TAOK3: variants seen among roughly 807,000 people sequenced by gnomAD.
The protein encoded by TAOK3 is serine/threonine-protein kinase TAO3.
Under a neutral mutation model 120.4 loss-of-function variants are expected in TAOK3, and 40 were observed. The observed-to-expected ratio is 0.33, with a 90% CI of 0.26 to 0.43. The LOEUF (loss-of-function observed/expected upper bound fraction) is 0.43. Ranked by LOEUF, TAOK3 falls within the 20% of genes least tolerant of loss-of-function variation. The pLI, the probability that TAOK3 is intolerant of heterozygous loss-of-function variation, is 1.00. For missense variants in TAOK3, 821 were observed against 1,112.1 expected, an observed-to-expected ratio of 0.74 and a Z score of 3.72; for synonymous variants, 355 against 387.5, an observed-to-expected ratio of 0.92 and a Z score of 0.99.
chr12:118,205,868 C>T (rs1342569726), intron 11 of TAOK3, among the ~76,000 whole-genome samples: 7 of 152,122 alleles, frequency 4.6e-5, no homozygotes, highest in Non-Finnish European at 8.8e-5. Flanking sequence ...ACCTCAGCCT[C>T]CCAAAGTGCT....
chr12:118,234,176 T>G (rs1482712942), intron 8 of TAOK3, among the ~76,000 whole-genome samples: 1 of 151,264 alleles, frequency 6.6e-6, no homozygotes, highest in Non-Finnish European at 1.5e-5. Context: ...ATAAAGTATT[T>G]TTCATATTGT....
chr12:118,170,693 G>C (rs966462093), intron 17 of TAOK3, among the ~76,000 whole-genome samples: 3 of 152,176 alleles, frequency 2.0e-5, no homozygotes, highest in African/African-American at 7.2e-5. Flanking sequence ...AACCTAGGAG[G>C]TGGAGGTTGC....
chr12:118,367,427 T>TA (rs1420063830), intron 1 of TAOK3, among the ~76,000 whole-genome samples: 1 of 151,840 alleles, frequency 6.6e-6, no homozygotes, highest in Admixed American at 6.6e-5. Context: ...TTTTTTTTTT[T>TA]AATTTGGTGC....
intron 9 of TAOK3, among the ~76,000 whole-genome samples, chr12:118,227,514 A>C (rs945617068): frequency 1.3e-5 from 2 of 152,066 alleles, no homozygotes; most frequent in Non-Finnish European, 2.9e-5. Flanking sequence ...AATCCTATAT[A>C]TGAATACAAT....
chr12:118,358,412 T>G (rs939007616), intron 1 of TAOK3, among the ~76,000 whole-genome samples: 1 of 152,196 alleles, frequency 6.6e-6, no homozygotes, highest in African/African-American at 2.4e-5. Context: ...TTCTATACTA[T>G]TTTCCCTTTC....
chr12:118,306,676 A>G (rs2043063627), intron 1 of TAOK3, among the ~76,000 whole-genome samples: 1 of 152,226 alleles, frequency 6.6e-6, no homozygotes, highest in Admixed American at 6.5e-5. Flanking sequence ...AAGAAATATT[A>G]TTGATACTTA....
intron 9 of TAOK3, among the ~76,000 whole-genome samples, chr12:118,229,113 TG>T (rs1289172106): frequency 8.1e-4 from 122 of 150,268 alleles, no homozygotes; most frequent in Non-Finnish European, 1.1e-3. Context: ...CTTTTTTTTT[TG>T]GGGGGGACAG....
intron 1 of TAOK3, among the ~76,000 whole-genome samples, chr12:118,274,263 T>C (rs943710759): frequency 2.0e-5 from 3 of 152,294 alleles, no homozygotes; most frequent in African/African-American, 7.2e-5. Context: ...AACTAGATGA[T>C]AGCTGCTTTT....
chr12:118,279,380 T>C (rs2042012776), intron 1 of TAOK3, among the ~76,000 whole-genome samples: 2 of 152,158 alleles, frequency 1.3e-5, no homozygotes, highest in Non-Finnish European at 2.9e-5. Context: ...AGGATGTTTA[T>C]TCTGTTGATA....
chr12:118,167,005 C>T (rs866794805), intron 17 of TAOK3, among the ~76,000 whole-genome samples: 1 of 152,078 alleles, frequency 6.6e-6, no homozygotes, highest in South Asian at 2.1e-4. Context: ...GGATTTCACT[C>T]ATGCCAAATT....
At chr12:118,198,650 G>T in intron 13 of TAOK3, 1 of 224,178 alleles carries the variant, frequency 4.5e-6, no homozygotes, top group Non-Finnish European at 9.1e-6. Context: ...GCCTCCCAAA[G>T]GGCTGGGATT....
intron 1 of TAOK3, among the ~76,000 whole-genome samples, chr12:118,274,073 G>A (rs1021097591): frequency 2.6e-5 from 4 of 151,620 alleles, no homozygotes; most frequent in Non-Finnish European, 2.9e-5. Context: ...TTCTTCCCCC[G>A]TTTCCTTCCA....
At chr12:118,250,544 A>G (rs1039368904) in intron 3 of TAOK3, among the ~76,000 whole-genome samples, 4 of 152,166 alleles carry the variant, frequency 2.6e-5, no homozygotes, top group African/African-American at 4.8e-5. Flanking sequence ...ACTTATGAAA[A>G]GTACTAATTA....
chr12:118,226,568 A>T (rs999236772), intron 9 of TAOK3, among the ~76,000 whole-genome samples: 2 of 152,154 alleles, frequency 1.3e-5, no homozygotes, highest in Non-Finnish European at 2.9e-5. Flanking sequence ...GACTTGAGAT[A>T]ATTTGACCAA....
chr12:118,359,577 G>A lies in TAOK3; in HGVS notation c.-194+13071C>T, dbSNP rs1400552590. 5 of 152,166 alleles carry A rather than the reference G, an allele frequency of 3.3e-5. No homozygotes were observed. In the East Asian group the frequency reaches 9.6e-4, roughly 29 times the overall value. 9.4% of individuals were successfully genotyped at this position (152,166 alleles called of 1,614,324 possible). ...TCTCATTTTAATTTGCAAATTGAAA[G>A]TTAATTCTCTTTTAAACTTATGTAT... On this transcript the variant is annotated intron_variant, in intron 1 of 20. Transcript: ENST00000392533.
intron 17 of TAOK3, among the ~76,000 whole-genome samples, chr12:118,164,282 G>A (rs1393383236): frequency 1.3e-5 from 2 of 151,178 alleles, no homozygotes; most frequent in African/African-American, 2.4e-5. Context: ...AGCCAAGATC[G>A]CGCCACTGCA....
chr12:118,308,578 C>G (rs2043137408), intron 1 of TAOK3, among the ~76,000 whole-genome samples: 1 of 152,110 alleles, frequency 6.6e-6, no homozygotes, highest in Non-Finnish European at 1.5e-5. Context: ...ACCAGTACTT[C>G]TACCTGGCAA....
chr12:118,285,666 G>A (rs2042243244), intron 1 of TAOK3, among the ~76,000 whole-genome samples: 1 of 152,172 alleles, frequency 6.6e-6, no homozygotes, highest in African/African-American at 2.4e-5. Flanking sequence ...ATCTATACAT[G>A]CTATATAATT....
chr12:118,196,016 C>G (rs1255662436), intron 13 of TAOK3, among the ~76,000 whole-genome samples: 2 of 151,536 alleles, frequency 1.3e-5, no homozygotes, highest in African/African-American at 4.9e-5. Flanking sequence ...CGCCACTGCA[C>G]TCCAGCCTGG....
Sources: allele counts gnomAD v4.1 joint callset (sites outside exome capture counted in the v4.1 genomes callset), GRCh38; gene constraint gnomAD v4.1.1; transcripts MANE v1.5; gene names NCBI Gene and HGNC (gene_info 2026-07-23, HGNC 2026-07-21).